The following CCDC171 variants were observed in gnomAD, a reference collection of about 807,000 sequenced individuals.
CCDC171 encodes coiled-coil domain-containing protein 171.
Under a neutral mutation model 168.2 loss-of-function variants are expected in CCDC171, and 177 were observed. That is an observed-to-expected ratio of 1.05 (90% confidence interval 0.93 to 1.19). The LOEUF (loss-of-function observed/expected upper bound fraction) is 1.19. Among genes scored for constraint, CCDC171 ranks in the 50% most tolerant of loss-of-function variants. The pLI, the probability that CCDC171 is intolerant of heterozygous loss-of-function variation, is 0.00. For missense variants in CCDC171, 1,991 were observed against 1,539.0 expected (o/e 1.29, Z -4.91); for synonymous variants, 687 against 540.8 (o/e 1.27, Z -3.75).
chr9:15,859,188 A>G (rs1355000438), intron 23 of CCDC171, among the ~76,000 whole-genome samples: 1 of 152,060 alleles, frequency 6.6e-6, no homozygotes, highest in Non-Finnish European at 1.5e-5. Flanking sequence ...GTTATGTATC[A>G]TAATTGATTT....
At chr9:15,668,133 T>G (rs560950401) in intron 9 of CCDC171, among the ~76,000 whole-genome samples, 104 of 152,188 alleles carry the variant, frequency 6.8e-4, no homozygotes, top group Non-Finnish European at 1.4e-3. Flanking sequence ...CTCCCAATAA[T>G]TAAAGCTTTC....
At chr9:15,904,659 T>A (rs978591287) in intron 24 of CCDC171, among the ~76,000 whole-genome samples, 4 of 152,054 alleles carry the variant, frequency 2.6e-5, no homozygotes, top group African/African-American at 9.7e-5. Context: ...AGGATCAAAT[T>A]CACACATAAC....
chr9:15,670,936 G>A (rs1247066047), intron 9 of CCDC171, among the ~76,000 whole-genome samples: 1 of 151,980 alleles, frequency 6.6e-6, no homozygotes, highest in Non-Finnish European at 1.5e-5. Context: ...GGAGGCCGAG[G>A]TGGGGGAGGA....
chr9:15,689,438 C>T (rs114436249), intron 10 of CCDC171, among the ~76,000 whole-genome samples: 1,971 of 152,270 alleles, frequency 0.013, 41 homozygotes, highest in African/African-American at 0.044. Context: ...AGGCCCAGCA[C>T]AGTGGCTCAT....
intron 7 of CCDC171, among the ~76,000 whole-genome samples, chr9:15,624,781 A>G (rs140211474): frequency 2.0e-3 from 308 of 152,286 alleles, no homozygotes; most frequent in African/African-American, 6.9e-3. Flanking sequence ...ATACGTGTGC[A>G]TGTGTCTTTA....
At chr9:15,919,716 A>G (rs1165304382) in intron 24 of CCDC171, among the ~76,000 whole-genome samples, 2 of 151,664 alleles carry the variant, frequency 1.3e-5, no homozygotes, top group Non-Finnish European at 3.0e-5. Flanking sequence ...TTTATTATGT[A>G]TAGTCCAATG....
chr9:15,928,055 C>T (rs535130883), intron 25 of CCDC171, among the ~76,000 whole-genome samples: 3 of 151,612 alleles, frequency 2.0e-5, no homozygotes, highest in African/African-American at 4.8e-5. Context: ...AGTTCAACTC[C>T]CTGGCTTTTA....
intron 25 of CCDC171, among the ~76,000 whole-genome samples, chr9:15,946,829 G>A (rs1441526865): frequency 1.3e-5 from 2 of 151,982 alleles, no homozygotes; most frequent in Non-Finnish European, 2.9e-5. Flanking sequence ...GGGCATTTTT[G>A]TACCTCTGCC....
At chr9:15,637,263 A>C (rs1401292638) in intron 7 of CCDC171, among the ~76,000 whole-genome samples, 1 of 152,162 alleles carries the variant, frequency 6.6e-6, no homozygotes, top group Non-Finnish European at 1.5e-5. Context: ...CTCAAAAACA[A>C]AACAAAAGAA....
At chr9:15,640,617 T>C (rs2046534469) in intron 7 of CCDC171, among the ~76,000 whole-genome samples, 1 of 152,100 alleles carries the variant, frequency 6.6e-6, no homozygotes, top group Non-Finnish European at 1.5e-5. Flanking sequence ...ACATTAGAAA[T>C]ATAAATGCTT....
At chr9:15,998,585 C>G (rs1367143890) in intron 3 of CCDC171, among the ~76,000 whole-genome samples, 1 of 152,140 alleles carries the variant, frequency 6.6e-6, no homozygotes, top group Non-Finnish European at 1.5e-5. Context: ...GATTTGTCAT[C>G]AAATAGCCAA....
the CCDC171 span, among the ~76,000 whole-genome samples, chr9:16,075,707 G>T: frequency 6.6e-6 from 1 of 152,026 alleles, no homozygotes; most frequent in Non-Finnish European, 1.5e-5. Context: ...GCTTTAGTCG[G>T]GATCCTCCTT....
intron 3 of CCDC171, among the ~76,000 whole-genome samples, chr9:15,989,721 A>T (rs967012557): frequency 4.7e-5 from 7 of 149,208 alleles, no homozygotes; most frequent in Non-Finnish European, 1.0e-4. Flanking sequence ...ACCAGTGTAG[A>T]GAAGTCCTTA....
At chr9:15,746,497 A>G (rs2055290394) in intron 18 of CCDC171, among the ~76,000 whole-genome samples, 1 of 152,208 alleles carries the variant, frequency 6.6e-6, no homozygotes, top group Non-Finnish European at 1.5e-5. Context: ...ACTGGGTTTG[A>G]AGTCTGAAAT....
chr9:15,657,165 T>G lies in CCDC171; in HGVS notation c.861T>G (p.Ile287Met), dbSNP rs1219265886. The G allele has an allele frequency of 2.5e-6, 4 of 1,611,124 alleles. No individual in the cohort carries two copies. The highest frequency in any genetic ancestry group is 1.3e-5 in the African/African-American group (1 of 74,804). Reference sequence around the variant, plus strand: ...GAGTGAGGAAATTAGAAGAAAACATTGAAGCAGAAAGAGCAGCGCATTTGG... The same window carrying G: ...GAGTGAGGAAATTAGAAGAAAACATGGAAGCAGAAAGAGCAGCGCATTTGG... ...TLRVRKLEEN[I>M]EAERAAHLES... is the part of the protein sequence containing the mutation. The change falls in exon 8 of 26, where the codon ATT becomes ATG. Residue 287 changes from isoleucine (I) to methionine (M), a missense_variant. Transcript: ENST00000380701.
chr9:15,562,691 C>A (rs2039407828), intron 1 of CCDC171, among the ~76,000 whole-genome samples: 2 of 152,106 alleles, frequency 1.3e-5, no homozygotes, highest in South Asian at 4.1e-4. Context: ...TGTTGTGCTA[C>A]CTCTGCATAT....
At chr9:15,553,551 G>C (rs769580935) in intron 1 of CCDC171, 2 of 152,646 alleles carry the variant, frequency 1.3e-5, no homozygotes, top group Admixed American at 6.5e-5. Context: ...GCAGAGGACC[G>C]GGATTTGGAG....
intron 1 of CCDC171, among the ~76,000 whole-genome samples, chr9:15,553,947 A>G (rs967130230): frequency 2.0e-5 from 3 of 152,042 alleles, no homozygotes; most frequent in Admixed American, 6.5e-5. Context: ...GTTGGTGTCC[A>G]GCTCTTTTGA....
chr9:15,623,422 T>A lies in CCDC171; in HGVS notation c.822+9T>A. ...TTAGAAAAGAATTTGAGGTACATTT[T>A]CTCATTCCTTTATAATATATATGCG... On this transcript the variant is annotated intron_variant, in intron 7 of 25. Transcript: ENST00000380701. 1 of 1,587,996 alleles carries A rather than the reference T, an allele frequency of 6.3e-7. No individual in the cohort carries two copies. Among genetic ancestry groups the A allele is most frequent in the Non-Finnish European group, 8.6e-7 (1 of 1,165,722 alleles).
Sources: allele counts gnomAD v4.1 joint callset (sites outside exome capture counted in the v4.1 genomes callset), GRCh38; gene constraint gnomAD v4.1.1; transcripts MANE v1.5; gene names NCBI Gene and HGNC (gene_info 2026-07-23, HGNC 2026-07-21).